The following CELF5 variants were observed in gnomAD, a reference collection of about 807,000 sequenced individuals.
CELF5 encodes CUGBP Elav-like family member 5, also known as CUG-BP and ETR-3 like factor 5.
Under a neutral mutation model 54.9 loss-of-function variants are expected in CELF5, and 6 were observed. That is an observed-to-expected ratio of 0.11 (90% CI 0.06 to 0.22). The LOEUF is 0.22. CELF5 is among the 10% of genes least tolerant of loss of function. The pLI is 1.00. For missense variants in CELF5, 401 were observed against 678.6 expected (o/e 0.59, Z 4.54); for synonymous variants, 271 against 290.9 (o/e 0.93, Z 0.70).
chr19:3,272,111 T>C (rs1029878072), intron 2 of CELF5, among the ~76,000 whole-genome samples: 4 of 152,306 alleles, frequency 2.6e-5, no homozygotes, highest in Admixed American at 2.6e-4. Context: ...CTCACGCCTG[T>C]AATCCCAGCA....
chr19:3,278,866 G>T lies in CELF5; in HGVS notation c.603+756G>T, dbSNP rs2080101689. ...TGACACCTGGGTTGGATTTGCTGAG[G>T]CCAGGAGAGGCCCTGACAAAAAGAA... On this transcript the variant is annotated intron_variant, in intron 5 of 12. Transcript: ENST00000292672. This position sits in a 1 kb window ranked among gnomAD's most constrained non-coding sequence, Gnocchi z 4.5. Among the ~76,000 whole-genome samples the T allele has an allele frequency of 6.6e-6, 1 of 150,462 alleles. No homozygotes were observed. Among genetic ancestry groups the T allele is most frequent in the African/African-American group, 2.5e-5 (1 of 39,818 alleles).
intron 1 of CELF5, among the ~76,000 whole-genome samples, chr19:3,238,055 A>C (rs2079441438): frequency 6.7e-6 from 1 of 149,878 alleles, no homozygotes; most frequent in South Asian, 2.1e-4. Context: ...TCTCAAAAAA[A>C]AGAGAATATC....
chr19:3,242,491 T>G (rs554145978), intron 1 of CELF5, among the ~76,000 whole-genome samples: 4 of 151,338 alleles, frequency 2.6e-5, no homozygotes, highest in African/African-American at 9.7e-5. Flanking sequence ...GCCAACATGG[T>G]GAAACCCTGT....
intron 4 of CELF5, among the ~76,000 whole-genome samples, chr19:3,277,808 GCTGT>G (rs1011952567): frequency 6.6e-6 from 1 of 152,082 alleles, no homozygotes; most frequent in South Asian, 2.1e-4. Context: ...TCTAACTGTG[GCTGT>G]CTGTCTGTGT....
chr19:3,230,700 T>C (rs528065626), intron 1 of CELF5, among the ~76,000 whole-genome samples: 2 of 152,330 alleles, frequency 1.3e-5, no homozygotes, highest in South Asian at 4.1e-4. Context: ...TTAACTCCCA[T>C]TGCCACCACC....
chr19:3,294,153 A>G (rs1477439346), intron 12 of CELF5: 1 of 152,196 alleles, frequency 6.6e-6, no homozygotes, highest in Admixed American at 6.5e-5. Context: ...CGAAACCCAG[A>G]CTGTAGTTTG....
intron 2 of CELF5, among the ~76,000 whole-genome samples, chr19:3,267,890 A>G (rs2079905029): frequency 1.3e-5 from 2 of 151,936 alleles, no homozygotes; most frequent in African/African-American, 4.8e-5. Flanking sequence ...GTGAAACCAA[A>G]CCTGAGAATG....
chr19:3,274,552 T>A (rs554096216), intron 3 of CELF5, among the ~76,000 whole-genome samples: 1 of 152,148 alleles, frequency 6.6e-6, no homozygotes, highest in Non-Finnish European at 1.5e-5. Flanking sequence ...GCTGGGCATG[T>A]GGGCAGACAT....
Position 3,275,016 on chromosome 19 carries a change from G to T in CELF5, c.395-840G>T, listed in dbSNP as rs879722268. ...TCTCTTTCGCGCGCACTCTCTCTCT[G>T]ATCTGTCTCTCTCTCTCCCTGATTC... On this transcript the variant is annotated intron_variant, in intron 3 of 12. Transcript: ENST00000292672. This position sits in a 1 kb window ranked among gnomAD's most constrained non-coding sequence, Gnocchi z 6.7. Among the ~76,000 whole-genome samples, 3 of 151,350 alleles carry T rather than the reference G, an allele frequency of 2.0e-5. No individual in the cohort carries two copies. Among genetic ancestry groups the T allele is most frequent in the African/African-American group, 4.9e-5 (2 of 41,062 alleles).
chr19:3,288,902 A>C (rs762989256), intron 10 of CELF5, among the ~76,000 whole-genome samples: 5 of 152,070 alleles, frequency 3.3e-5, no homozygotes, highest in Non-Finnish European at 5.9e-5. Flanking sequence ...GTGGGGTGGG[A>C]ATGGAAGAAG....
intron 1 of CELF5, among the ~76,000 whole-genome samples, chr19:3,230,466 C>A (rs977007234): frequency 6.6e-6 from 1 of 152,164 alleles, no homozygotes; most frequent in African/African-American, 2.4e-5. Flanking sequence ...GGAACTGGAT[C>A]TATGAAGGCC....
chr19:3,284,216 A>G (rs899827703), intron 8 of CELF5, among the ~76,000 whole-genome samples: 1 of 151,782 alleles, frequency 6.6e-6, no homozygotes, highest in African/African-American at 2.4e-5. Context: ...GTTAATTGCC[A>G]TTTTGTCACA....
At chr19:3,264,001 G>T (rs66654893) in intron 2 of CELF5, among the ~76,000 whole-genome samples, 62,059 of 152,030 alleles carry the variant, frequency 0.41, 13,458 homozygotes, top group Non-Finnish European at 0.48. Flanking sequence ...ACATCCTGAT[G>T]ACCACTACCC....
intron 11 of CELF5, 84 bp downstream of exon 11, chr19:3,290,458 C>T (rs1599488860): frequency 2.3e-5 from 33 of 1,460,786 alleles, no homozygotes; most frequent in South Asian, 6.0e-5. Flanking sequence ...TGGTCGGCCT[C>T]GGGACAGGGC....
intron 1 of CELF5, among the ~76,000 whole-genome samples, chr19:3,248,998 G>T (rs1056520244): frequency 2.0e-5 from 3 of 150,842 alleles, no homozygotes; most frequent in African/African-American, 7.3e-5. Flanking sequence ...GTACCCCCAG[G>T]GTTCCAGGGG....
At chr19:3,229,180 A>C (rs1174660661) in intron 1 of CELF5, among the ~76,000 whole-genome samples, 1 of 148,116 alleles carries the variant, frequency 6.8e-6, no homozygotes, top group Non-Finnish European at 1.5e-5. Flanking sequence ...TGGTGTGAAC[A>C]GAATTCCTTG....
intron 1 of CELF5, among the ~76,000 whole-genome samples, chr19:3,249,572 C>T (rs1027523344): frequency 5.3e-5 from 8 of 152,114 alleles, no homozygotes; most frequent in African/African-American, 1.9e-4. Flanking sequence ...CTGGCCCCGC[C>T]CCTTGCCTCC....
rs1294503664 is a variant in CELF5 at position 3,273,890 on chromosome 19, G to C, written c.361G>C (p.Val121Leu). The C allele has an allele frequency of 6.2e-7, 1 of 1,613,778 alleles. No individual in the cohort carries two copies. Among genetic ancestry groups the C allele is most frequent in the Non-Finnish European group, 8.5e-7 (1 of 1,179,686 alleles). ...TCTGCAGATGGCGCGGCCAATCCAG[G>C]TGAAGCCTGCGGACAGTGAAAGCCG... ...TLPGMARPIQ[V>L]KPADSESRGG... Residue 121 changes from valine (V) to leucine (L), a missense_variant, in exon 3 of 13, where the codon GTG becomes CTG. Val to Leu is a conservative substitution (Grantham distance 32, BLOSUM62 1). Around this residue, in one of 6 missense-constraint regions of CELF5, gnomAD observed 66 missense variants for 132.3 expected, o/e 0.50. Coordinates refer to ENST00000292672, the MANE Select transcript of CELF5 (RefSeq NM_021938.4).
rs757459135 is a variant in CELF5, at chr19:3,281,296, C to T, written c.701C>T (p.Thr234Met). 7 of 1,611,520 alleles carry T rather than the reference C, an allele frequency of 4.3e-6. No homozygotes were observed. Among genetic ancestry groups the T allele is most frequent in the East Asian group, 2.2e-5 (1 of 44,892 alleles). ...QQMVGQLGIL[T>M]PSLTLPFSPY... ...ATGGTGGGCCAGCTGGGCATCCTGA[C>T]GCCGTCCCTCACATTGCCCTTCAGC... Residue 234 changes from threonine (T) to methionine (M), a missense_variant, in exon 6 of 13, where the codon ACG (threonine) becomes ATG (methionine). Thr to Met is a moderately conservative substitution (Grantham distance 81). This residue lies in a region of CELF5 where 87 missense variants were observed against 190.2 expected (regional missense o/e 0.46). Coordinates refer to ENST00000292672, the MANE Select transcript of CELF5 (RefSeq NM_021938.4). This position sits in a 1 kb window ranked among gnomAD's most constrained non-coding sequence, Gnocchi z 6.5.
Sources: gnomAD v4.1 joint callset for allele counts (sites outside exome capture counted in the v4.1 genomes callset) on GRCh38, gnomAD v4.1.1 for gene constraint, gnomAD v4.1.1 regional missense constraint, Gnocchi (gnomAD v3.1) non-coding constraint, MANE v1.5 for transcripts, NCBI Gene and HGNC (gene_info 2026-07-23, HGNC 2026-07-21) for gene names.